Variants in PVT1 observed in about 807,000 individuals in gnomAD.
The protein encoded by PVT1 is Pvt1 oncogene.
At chr8:127,838,479 TG>T (rs1814933197) in intron 2 of PVT1, among the ~76,000 whole-genome samples, 1 of 151,806 alleles carries the variant, frequency 6.6e-6, no homozygotes, top group Admixed American at 6.6e-5. Context: ...CTGAGGCGAG[TG>T]GATTACCTGA....
chr8:127,899,098 C>T (rs999849548), intron 3 of PVT1, among the ~76,000 whole-genome samples: 3 of 152,166 alleles, frequency 2.0e-5, no homozygotes, highest in Non-Finnish European at 4.4e-5. Flanking sequence ...CACTGGGGGG[C>T]CCCAGAAGCT....
chr8:127,968,392 G>T, intron 3 of PVT1, among the ~76,000 whole-genome samples: 1 of 152,050 alleles, frequency 6.6e-6, no homozygotes, highest in South Asian at 2.1e-4. Flanking sequence ...GGGATGGGGG[G>T]TGGTTTGAAA....
chr8:127,918,141 G>A (rs887030996), intron 3 of PVT1, among the ~76,000 whole-genome samples: 2 of 152,190 alleles, frequency 1.3e-5, no homozygotes, highest in African/African-American at 4.8e-5. Context: ...GCCATGACTC[G>A]GGGGCGGCCT....
At chr8:128,065,223 A>T (rs1813890825) in intron 4 of PVT1, among the ~76,000 whole-genome samples, 1 of 150,616 alleles carries the variant, frequency 6.6e-6, no homozygotes, top group African/African-American at 2.4e-5. Context: ...ACACAATTTC[A>T]CTCTGTCTCC....
chr8:127,938,155 G>A (rs543314481), intron 3 of PVT1, among the ~76,000 whole-genome samples: 16 of 152,272 alleles, frequency 1.1e-4, no homozygotes, highest in Admixed American at 5.9e-4. Flanking sequence ...CTGGGATGGG[G>A]GTGGTATCCC....
chr8:127,874,018 T>C (rs753622657), intron 2 of PVT1, among the ~76,000 whole-genome samples: 4 of 152,202 alleles, frequency 2.6e-5, no homozygotes, highest in African/African-American at 4.8e-5. Flanking sequence ...GGCTGTGTAG[T>C]CACTGTCCTC....
At chr8:127,928,459 CTTCT>C (rs1816159278) in intron 3 of PVT1, among the ~76,000 whole-genome samples, 3 of 152,202 alleles carry the variant, frequency 2.0e-5, no homozygotes, top group Non-Finnish European at 1.5e-5. Flanking sequence ...CCTGAATTGT[CTTCT>C]TTATCATCTG....
At chr8:128,049,767 C>A (rs1813666802) in intron 4 of PVT1, among the ~76,000 whole-genome samples, 1 of 152,170 alleles carries the variant, frequency 6.6e-6, no homozygotes, top group Non-Finnish European at 1.5e-5. Flanking sequence ...TACACCGGGG[C>A]TCTAGGTTTG....
At chr8:128,044,735 CT>C (rs552880394) in intron 4 of PVT1, among the ~76,000 whole-genome samples, 29 of 152,344 alleles carry the variant, frequency 1.9e-4, no homozygotes, top group African/African-American at 7.0e-4. Flanking sequence ...AGTATGGTGC[CT>C]GTGCATAGTT....
At chr8:127,855,704 G>T (rs1815153199) in intron 2 of PVT1, among the ~76,000 whole-genome samples, 1 of 152,236 alleles carries the variant, frequency 6.6e-6, no homozygotes, top group African/African-American at 2.4e-5. Flanking sequence ...CCACCAGCGA[G>T]GTTGCTCAGG....
chr8:127,977,226 G>T (rs1816831773), intron 3 of PVT1, among the ~76,000 whole-genome samples: 1 of 152,132 alleles, frequency 6.6e-6, no homozygotes, highest in African/African-American at 2.4e-5. Context: ...AAATAAGGAT[G>T]TGCAGTAGGT....
At chr8:127,955,268 C>A (rs888461491) in intron 3 of PVT1, among the ~76,000 whole-genome samples, 4 of 152,156 alleles carry the variant, frequency 2.6e-5, no homozygotes, top group Non-Finnish European at 5.9e-5. Flanking sequence ...CAAAGAGAGG[C>A]CTCAGGAGAC....
chr8:127,902,404 C>G (rs1815769789), intron 3 of PVT1, among the ~76,000 whole-genome samples: 1 of 151,726 alleles, frequency 6.6e-6, no homozygotes. Flanking sequence ...CACCAGAGCT[C>G]CAGAGCTGAA....
chr8:128,058,119 T>C lies in PVT1; in HGVS notation n.913-12041T>C, dbSNP rs1386971848. Reference sequence around the variant, plus strand: ...ACCTGACCAGCTTTCCTACTCAACATGGAGCTCTGTCTGTCTCATCTCTCT... The same window carrying C: ...ACCTGACCAGCTTTCCTACTCAACACGGAGCTCTGTCTGTCTCATCTCTCT... On this transcript the variant is annotated intron_variant and non_coding_transcript_variant, in intron 4 of 10. Coordinates refer to ENST00000651587, the Ensembl canonical transcript of PVT1. Among the ~76,000 whole-genome samples, 4 of 152,352 alleles carry C rather than the reference T, an allele frequency of 2.6e-5. No homozygotes were observed. The East Asian group carries it at 7.7e-4, about 29-fold the overall frequency.
At chr8:128,009,365 A>G (rs1336039904) in intron 4 of PVT1, among the ~76,000 whole-genome samples, 1 of 152,218 alleles carries the variant, frequency 6.6e-6, no homozygotes, top group Admixed American at 6.5e-5. Context: ...TATGTCCTGC[A>G]TAAGAACAAG....
Position 127,847,685 on chromosome 8 carries a change from G to A in PVT1, n.373-42904G>A, listed in dbSNP as rs573058087. 2.0e-5 allele frequency among the ~76,000 whole-genome samples: 3 copies of A among 152,308 alleles called. No individual in the cohort carries two copies. The South Asian group carries it at 6.2e-4, about 32-fold the overall frequency. On this transcript the variant is annotated intron_variant and non_coding_transcript_variant, in intron 2 of 10. Coordinates refer to ENST00000651587, the Ensembl canonical transcript of PVT1. ...CACAAACACGGGGAGATCTCAGGATGTATTGTTGACACAAAAAGCACAATG... is the reference window on the plus strand; with the variant it reads ...CACAAACACGGGGAGATCTCAGGATATATTGTTGACACAAAAAGCACAATG...
intron 3 of PVT1, chr8:127,960,584 G>A: frequency 2.2e-6 from 1 of 449,214 alleles, no homozygotes; most frequent in Admixed American, 2.7e-5. Flanking sequence ...GATGCACCAC[G>A]ATAGGGAAAT....
intron 2 of PVT1, among the ~76,000 whole-genome samples, chr8:127,846,973 A>G (rs1335298362): frequency 2.2e-5 from 3 of 138,018 alleles, no homozygotes; most frequent in Non-Finnish European, 4.6e-5. Context: ...GAGCCATTGC[A>G]CATGGCCTTT....
chr8:127,864,825 G>A (rs2129758028), intron 2 of PVT1, among the ~76,000 whole-genome samples: 1 of 152,346 alleles, frequency 6.6e-6, no homozygotes, highest in Admixed American at 6.5e-5. Flanking sequence ...TGGGATTCCA[G>A]GCATGAGTCA....
Sources: gnomAD v4.1 joint callset for allele counts (sites outside exome capture counted in the v4.1 genomes callset) on GRCh38, gnomAD v4.1.1 for gene constraint, MANE v1.5 for transcripts, NCBI Gene and HGNC (gene_info 2026-07-23, HGNC 2026-07-21) for gene names.